CNTNAP4: variants seen among roughly 807,000 people sequenced by gnomAD.
The protein encoded by CNTNAP4 is contactin associated protein family member 4.
In CNTNAP4, 98 loss-of-function variants were observed where a neutral mutation model predicts 148.4. That is an observed-to-expected ratio of 0.66 (90% CI 0.56 to 0.78). CNTNAP4 has a LOEUF of 0.78. CNTNAP4 is among the 30% of genes least tolerant of loss of function. The pLI is 0.00. For missense variants in CNTNAP4, 1,935 were observed against 1,565.6 expected (o/e 1.24, Z -3.98); for synonymous variants, 730 against 565.1 (o/e 1.29, Z -4.14).
chr16:76,459,949 G>T (rs2080875457), intron 8 of CNTNAP4, among the ~76,000 whole-genome samples: 1 of 152,120 alleles, frequency 6.6e-6, no homozygotes, highest in Non-Finnish European at 1.5e-5. Context: ...CTTTTTAGAG[G>T]TGATAAGAAT....
At chr16:76,438,986 A>AT (rs1340390492) in intron 4 of CNTNAP4, among the ~76,000 whole-genome samples, 8 of 152,222 alleles carry the variant, frequency 5.3e-5, no homozygotes, top group African/African-American at 1.4e-4. Flanking sequence ...ACTTTACTAT[A>AT]TTTTTAAATA....
At chr16:76,467,276 TTTTTAAATGAAG>T (rs1170214332) in intron 9 of CNTNAP4, 64 bp from the exon 10 acceptor site, 2 of 1,315,106 alleles carry the variant, frequency 1.5e-6, no homozygotes, top group Non-Finnish European at 2.1e-6. Context: ...TTTCTTTTAT[TTTTTAAATGAAG>T]TTATCTATGA....
intron 4 of CNTNAP4, among the ~76,000 whole-genome samples, chr16:76,433,673 C>A (rs373053698): frequency 1.3e-5 from 2 of 152,078 alleles, no homozygotes; most frequent in Non-Finnish European, 2.9e-5. Flanking sequence ...ATCTCTCATA[C>A]CACCTGTCTG....
intron 3 of CNTNAP4, among the ~76,000 whole-genome samples, chr16:76,403,596 T>C (rs2078496289): frequency 1.3e-5 from 2 of 152,166 alleles, no homozygotes; most frequent in African/African-American, 4.8e-5. Flanking sequence ...ACACTGTTGG[T>C]AGGAGTCTAA....
At position 76,277,596 on chromosome 16, in the gene CNTNAP4, T is replaced by A; in HGVS notation, c.-67T>A. The A allele has an allele frequency of 1.9e-6, 2 of 1,070,130 alleles. No homozygotes were observed. The highest frequency in any genetic ancestry group is 1.4e-6 in the Non-Finnish European group (1 of 708,938). 66.3% of individuals were successfully genotyped at this position (1,070,130 alleles called of 1,614,324 possible). ...ACCCAGACAGAGCTGGCAGAGCTACTGAGAAGAGGACTGGAGCGCTCTGAG... is the reference window on the plus strand; with the variant it reads ...ACCCAGACAGAGCTGGCAGAGCTACAGAGAAGAGGACTGGAGCGCTCTGAG... On this transcript the variant is annotated 5_prime_UTR_variant, in exon 1 of 24. Transcript: ENST00000611870.
At chr16:76,425,702 C>T (rs77623823) in intron 3 of CNTNAP4, among the ~76,000 whole-genome samples, 2 of 152,106 alleles carry the variant, frequency 1.3e-5, no homozygotes, top group Non-Finnish European at 2.9e-5. Flanking sequence ...ATGCAAAGAT[C>T]TGGGGAAAGA....
At chr16:76,329,853 A>T (rs1963349366) in intron 2 of CNTNAP4, among the ~76,000 whole-genome samples, 1 of 152,206 alleles carries the variant, frequency 6.6e-6, no homozygotes, top group Admixed American at 6.5e-5. Flanking sequence ...TGACTGTATT[A>T]AAATGAAAAA....
chr16:76,368,848 T>A (rs1381103920), intron 3 of CNTNAP4, among the ~76,000 whole-genome samples: 1 of 151,996 alleles, frequency 6.6e-6, no homozygotes, highest in Non-Finnish European at 1.5e-5. Flanking sequence ...TTAATTAAAT[T>A]AAAAATAAAG....
intron 14 of CNTNAP4, among the ~76,000 whole-genome samples, chr16:76,497,535 G>T (rs2082441774): frequency 6.6e-6 from 1 of 152,084 alleles, no homozygotes. Context: ...ATGAGTTCAT[G>T]TCCTTTGTGG....
chr16:76,396,429 G>T (rs989724881), intron 3 of CNTNAP4, among the ~76,000 whole-genome samples: 1 of 152,158 alleles, frequency 6.6e-6, no homozygotes, highest in African/African-American at 2.4e-5. Context: ...GAAGAATGGG[G>T]CAAAACTAAA....
At position 76,467,391 on chromosome 16, in the gene CNTNAP4, C is replaced by T. The variant is rs776534361; in HGVS notation, c.1523C>T (p.Pro508Leu). 1.2e-6 allele frequency: 2 copies of T among 1,613,726 alleles called. No homozygotes were observed. The highest frequency in any genetic ancestry group is 2.2e-5 in the South Asian group (2 of 91,062). The stretch of plus-strand genomic sequence containing the variant: ...AGCTTTGGATCCAAATGTAAAAGTC[C>T]ACTTGGTGGATTTCAGGGATGTATG... ...DKSFGSKCKS[P>L]LGGFQGCMRL... Residue 508 changes from proline (P) to leucine (L), a missense_variant, in exon 10 of 24, where the codon CCA becomes CTA. By Grantham distance (98) the Pro-to-Leu change is moderately conservative (BLOSUM62 -3). Transcript: ENST00000611870.
chr16:76,504,024 A>G (rs186141025), intron 15 of CNTNAP4, among the ~76,000 whole-genome samples: 25 of 152,244 alleles, frequency 1.6e-4, no homozygotes, highest in African/African-American at 5.8e-4. Context: ...CCAAATTTAT[A>G]TATAGACTGA....
At chr16:76,324,770 C>G (rs1216227403) in intron 2 of CNTNAP4, among the ~76,000 whole-genome samples, 1 of 152,088 alleles carries the variant, frequency 6.6e-6, no homozygotes, top group African/African-American at 2.4e-5. Flanking sequence ...GTGACCTTTC[C>G]TGGTACTTAC....
At chr16:76,381,454 A>T (rs1336851349) in intron 3 of CNTNAP4, among the ~76,000 whole-genome samples, 2 of 152,146 alleles carry the variant, frequency 1.3e-5, no homozygotes, top group Non-Finnish European at 2.9e-5. Context: ...GATGCAGATG[A>T]CCAGGAATAC....
At chr16:76,426,246 A>T (rs929899504) in intron 3 of CNTNAP4, among the ~76,000 whole-genome samples, 1 of 152,174 alleles carries the variant, frequency 6.6e-6, no homozygotes, top group Non-Finnish European at 1.5e-5. Flanking sequence ...AAATGATAGT[A>T]AGGGAATATT....
At chr16:76,502,814 GAAA>G (rs967817597) in intron 15 of CNTNAP4, among the ~76,000 whole-genome samples, 1 of 150,034 alleles carries the variant, frequency 6.7e-6, no homozygotes, top group African/African-American at 2.5e-5. Context: ...TTTTTTAACA[GAAA>G]AAAAAGTGAG....
intron 1 of CNTNAP4, among the ~76,000 whole-genome samples, chr16:76,311,907 A>C (rs1961163553): frequency 6.6e-6 from 1 of 152,186 alleles, no homozygotes; most frequent in African/African-American, 2.4e-5. Context: ...TAATTTTTTA[A>C]AAATGCAATT....
At chr16:76,309,573 G>T (rs1406067281) in intron 1 of CNTNAP4, among the ~76,000 whole-genome samples, 1 of 152,170 alleles carries the variant, frequency 6.6e-6, no homozygotes, top group African/African-American at 2.4e-5. Context: ...TATTCAGCTG[G>T]TTCTAAATTG....
At chr16:76,384,179 G>T (rs996376251) in intron 3 of CNTNAP4, among the ~76,000 whole-genome samples, 5 of 151,992 alleles carry the variant, frequency 3.3e-5, no homozygotes, top group Admixed American at 3.3e-4. Flanking sequence ...GAGTAGCTGG[G>T]ATTACAGGCA....
Sources: allele counts gnomAD v4.1 joint callset (sites outside exome capture counted in the v4.1 genomes callset), GRCh38; gene constraint gnomAD v4.1.1; transcripts MANE v1.5; gene names NCBI Gene and HGNC (gene_info 2026-07-23, HGNC 2026-07-21).